WWOX: variants seen among roughly 807,000 people sequenced by gnomAD.
WWOX encodes the protein WW domain containing oxidoreductase.
Under a neutral mutation model 46.2 loss-of-function variants are expected in WWOX, and 69 were observed. The ratio of observed to expected loss-of-function variants is 1.49; its 90% CI spans 1.23 to 1.82. WWOX has a LOEUF of 1.82. Ranked by LOEUF, WWOX falls within the 40% of genes most tolerant of loss-of-function variation. The pLI is 0.00. For synonymous variants in WWOX, 359 were observed against 202.6 expected, an observed-to-expected ratio of 1.77 and a Z score of -6.56; for missense variants, 919 against 542.6, an observed-to-expected ratio of 1.69 and a Z score of -6.89.
chr16:79,009,612 G>C (rs980070705), intron 8 of WWOX, among the ~76,000 whole-genome samples: 4 of 152,118 alleles, frequency 2.6e-5, no homozygotes, highest in Admixed American at 2.0e-4. Context: ...CACCACACCT[G>C]ACTAATGTTT....
chr16:79,080,397 C>G (rs966293960), intron 8 of WWOX, among the ~76,000 whole-genome samples: 10 of 152,278 alleles, frequency 6.6e-5, no homozygotes, highest in Non-Finnish European at 1.5e-4. Context: ...TAGTCACAAC[C>G]ATACCTAGAA....
At chr16:79,137,538 G>A (rs529174909) in intron 8 of WWOX, among the ~76,000 whole-genome samples, 17 of 152,246 alleles carry the variant, frequency 1.1e-4, no homozygotes, top group Non-Finnish European at 1.8e-4. Context: ...GCATTGTCCC[G>A]AGGCAACGTT....
intron 8 of WWOX, among the ~76,000 whole-genome samples, chr16:78,605,525 T>C (rs1030168211): frequency 3.9e-5 from 6 of 152,102 alleles, no homozygotes; most frequent in African/African-American, 1.2e-4. Context: ...TCTGTTACCA[T>C]TGTGCTAACT....
intron 8 of WWOX, among the ~76,000 whole-genome samples, chr16:78,738,996 G>A (rs2049152979): frequency 2.0e-5 from 3 of 152,150 alleles, no homozygotes; most frequent in Admixed American, 6.5e-5. Context: ...GTAGGTGATA[G>A]GATAGAATTC....
At chr16:78,164,746 G>T (rs2034917092) in intron 5 of WWOX, among the ~76,000 whole-genome samples, 1 of 152,184 alleles carries the variant, frequency 6.6e-6, no homozygotes, top group Non-Finnish European at 1.5e-5. Context: ...TTGGGACCAA[G>T]GATATAGTAT....
At chr16:78,700,218 C>G (rs1050171541) in intron 8 of WWOX, among the ~76,000 whole-genome samples, 5 of 149,908 alleles carry the variant, frequency 3.3e-5, no homozygotes, top group Non-Finnish European at 7.4e-5. Flanking sequence ...GGCTGGAAGT[C>G]AGATGTCAGG....
chr16:78,525,573 A>G (rs1160324202), intron 8 of WWOX: 2 of 152,212 alleles, frequency 1.3e-5, no homozygotes, highest in Non-Finnish European at 2.9e-5. Context: ...TTGAGTCTCA[A>G]AATGTCTGGT....
At chr16:79,027,967 T>C (rs1448516572) in intron 8 of WWOX, among the ~76,000 whole-genome samples, 1 of 151,872 alleles carries the variant, frequency 6.6e-6, no homozygotes, top group African/African-American at 2.4e-5. Flanking sequence ...TTTGTTTGTT[T>C]TTGAGACGGA....
chr16:78,109,644 C>T (rs1758215929), intron 2 of WWOX, 134 bp from the exon 3 acceptor site: 5 of 828,084 alleles, frequency 6.0e-6, no homozygotes, highest in Non-Finnish European at 6.1e-6. Context: ...GTGACGAAAG[C>T]CAGTTGATGT....
chr16:78,920,705 C>G (rs1444231512), intron 8 of WWOX, among the ~76,000 whole-genome samples: 1 of 152,104 alleles, frequency 6.6e-6, no homozygotes, highest in East Asian at 1.9e-4. Context: ...GTGATGGAGA[C>G]AGAGAGAGAA....
intron 8 of WWOX, among the ~76,000 whole-genome samples, chr16:78,667,162 G>C (rs927329182): frequency 6.6e-6 from 1 of 152,096 alleles, no homozygotes; most frequent in African/African-American, 2.4e-5. Flanking sequence ...TTATGTGTTT[G>C]CTAGTAGCTT....
At chr16:79,053,322 T>A (rs1315645023) in intron 8 of WWOX, among the ~76,000 whole-genome samples, 1 of 152,174 alleles carries the variant, frequency 6.6e-6, no homozygotes, top group African/African-American at 2.4e-5. Flanking sequence ...AATGAAGCCG[T>A]TTTAATGTGA....
chr16:78,403,606 G>A (rs1288517468), intron 6 of WWOX, among the ~76,000 whole-genome samples: 2 of 151,994 alleles, frequency 1.3e-5, no homozygotes, highest in African/African-American at 4.8e-5. Context: ...ATGTATTCAG[G>A]AGGCCCAGGT....
intron 8 of WWOX, among the ~76,000 whole-genome samples, chr16:78,661,480 A>G (rs1341034973): frequency 6.6e-6 from 1 of 152,156 alleles, no homozygotes; most frequent in East Asian, 1.9e-4. Context: ...GGGATTGAAC[A>G]GTTATTTGTC....
At position 78,342,532 on chromosome 16, in the gene WWOX, A is replaced by T. The variant is rs574472588; in HGVS notation, c.517-44328A>T. On this transcript the variant is annotated intron_variant, in intron 5 of 8. Coordinates refer to ENST00000566780, the MANE Select transcript of WWOX (RefSeq NM_016373.4). The stretch of plus-strand genomic sequence containing the variant: ...AGAGTGAGTCCCTGGCCCCTATGTA[A>T]TTATGAGGGAGGCTGAGATGTGAGA... 7.7e-4 allele frequency among the ~76,000 whole-genome samples: 93 copies of T among 120,228 alleles called. 23 individuals are homozygous for T. Among genetic ancestry groups the T allele is most frequent in the African/African-American group, 2.5e-3 (90 of 35,568 alleles). 78.9% of individuals were successfully genotyped at this position (120,228 alleles called of 152,430 possible).
At chr16:78,608,385 C>T (rs149100694) in intron 8 of WWOX, among the ~76,000 whole-genome samples, 2 of 152,320 alleles carry the variant, frequency 1.3e-5, no homozygotes, top group African/African-American at 2.4e-5. Flanking sequence ...CTGTTTGAAT[C>T]CCCCAAATGC....
At chr16:78,185,855 T>C (rs1228253989) in intron 5 of WWOX, among the ~76,000 whole-genome samples, 1 of 151,652 alleles carries the variant, frequency 6.6e-6, no homozygotes, top group Non-Finnish European at 1.5e-5. Context: ...TTAGTAGAGA[T>C]GGGTTTCACC....
chr16:78,106,923 C>T (rs151251844), intron 1 of WWOX, among the ~76,000 whole-genome samples: 12 of 152,292 alleles, frequency 7.9e-5, no homozygotes, highest in African/African-American at 2.6e-4. Flanking sequence ...GCATGGGCTG[C>T]TCAGGTCTTC....
At chr16:79,176,839 T>G (rs1386380914) in intron 8 of WWOX, among the ~76,000 whole-genome samples, 1 of 152,126 alleles carries the variant, frequency 6.6e-6, no homozygotes, top group Non-Finnish European at 1.5e-5. Context: ...ATATAGTAAT[T>G]CATCTTTATT....
Sources: allele counts gnomAD v4.1 joint callset (sites outside exome capture counted in the v4.1 genomes callset), GRCh38; gene constraint gnomAD v4.1.1; transcripts MANE v1.5; gene names NCBI Gene and HGNC (gene_info 2026-07-23, HGNC 2026-07-21).